DLGAP2: variants seen among roughly 807,000 people sequenced by gnomAD.
The protein encoded by DLGAP2 is DLG associated protein 2.
A neutral mutation model predicts 100.3 loss-of-function variants in DLGAP2; 26 were observed. That is an observed-to-expected ratio of 0.26 (90% CI 0.19 to 0.36). The LOEUF (loss-of-function observed/expected upper bound fraction) is 0.36. Among genes scored for constraint, DLGAP2 ranks in the 10% least tolerant of loss-of-function variants. The pLI, the probability that DLGAP2 is intolerant of heterozygous loss-of-function variation, is 1.00. For synonymous variants in DLGAP2, 886 were observed against 630.1 expected, an observed-to-expected ratio of 1.41 and a Z score of -6.08; for missense variants, 1,858 against 1,453.2, an observed-to-expected ratio of 1.28 and a Z score of -4.53.
chr8:1,306,074 C>CAAAAAAAAAAAAAAAGAAAAAAAAAAAA (rs1800483298), intron 3 of DLGAP2, among the ~76,000 whole-genome samples: 1 of 116,448 alleles, frequency 8.6e-6, no homozygotes, highest in Non-Finnish European at 1.8e-5. Context: ...AGAAATTAGG[C>CAAAAAAAAAAAAAAAGAAAAAAAAAAAA]AAAAAAAAAA....
Position 1,493,110 on chromosome 8 carries a change from C to G in DLGAP2, c.107-8256C>G, listed in dbSNP as rs556251644. Among the ~76,000 whole-genome samples, 34 of 152,310 alleles carry G rather than the reference C, an allele frequency of 2.2e-4. No individual in the cohort carries two copies. The East Asian group carries it at 4.3e-3, about 19-fold the overall frequency. ...GGGCAGGGCACAAGGTGACAACGAGCTCAAGCTGTGCAGGTAGAACCAGGC... is the reference window on the plus strand; with the variant it reads ...GGGCAGGGCACAAGGTGACAACGAGGTCAAGCTGTGCAGGTAGAACCAGGC... On this transcript the variant is annotated intron_variant, in intron 3 of 14. Coordinates refer to ENST00000637795, the MANE Select transcript of DLGAP2 (RefSeq NM_001346810.2).
intron 1 of DLGAP2, among the ~76,000 whole-genome samples, chr8:761,853 G>A (rs747304677): frequency 2.2e-4 from 34 of 152,194 alleles, no homozygotes; most frequent in African/African-American, 4.1e-4. Flanking sequence ...GACACCCTGC[G>A]GAGGAGGCCC....
chr8:1,407,938 C>T (rs1480024267), intron 3 of DLGAP2, among the ~76,000 whole-genome samples: 4 of 152,158 alleles, frequency 2.6e-5, no homozygotes, highest in Admixed American at 2.6e-4. Context: ...CACCTCAGGG[C>T]TTCCAGCATT....
intron 3 of DLGAP2, among the ~76,000 whole-genome samples, chr8:1,367,948 C>A (rs1563109046): frequency 6.6e-6 from 1 of 152,230 alleles, no homozygotes; most frequent in Non-Finnish European, 1.5e-5. Flanking sequence ...TAGTGCCTGG[C>A]ATGGAGCCAG....
chr8:1,448,963 A>C (rs1456605793), intron 3 of DLGAP2, among the ~76,000 whole-genome samples: 2 of 152,206 alleles, frequency 1.3e-5, no homozygotes, highest in East Asian at 1.9e-4. Flanking sequence ...CTGTGTCCTT[A>C]GGTCACGCAA....
chr8:786,272 G>T (rs1393175920), intron 1 of DLGAP2, among the ~76,000 whole-genome samples: 3 of 152,100 alleles, frequency 2.0e-5, no homozygotes, highest in Admixed American at 2.0e-4. Flanking sequence ...CTGCAGAGAG[G>T]GTGCAGTTGG....
intron 4 of DLGAP2, among the ~76,000 whole-genome samples, chr8:1,541,770 A>G (rs1801369049): frequency 6.6e-6 from 1 of 152,136 alleles, no homozygotes; most frequent in Non-Finnish European, 1.5e-5. Context: ...TTTGTGTGTA[A>G]CTCAAACTCA....
At chr8:884,574 T>G (rs189498114) in intron 1 of DLGAP2, among the ~76,000 whole-genome samples, 1 of 152,338 alleles carries the variant, frequency 6.6e-6, no homozygotes, top group Non-Finnish European at 1.5e-5. Context: ...TCTCCCATTC[T>G]GTAGGTTGCC....
chr8:819,670 G>A (rs1379197702), intron 1 of DLGAP2, among the ~76,000 whole-genome samples: 1 of 152,214 alleles, frequency 6.6e-6, no homozygotes, highest in East Asian at 1.9e-4. Flanking sequence ...CAGAGTAGTG[G>A]AAAAGTAGGC....
At chr8:1,700,446 G>C (rs1175995068) in intron 14 of DLGAP2, among the ~76,000 whole-genome samples, 1 of 151,906 alleles carries the variant, frequency 6.6e-6, no homozygotes, top group Non-Finnish European at 1.5e-5. Context: ...CTGTCTTTAG[G>C]AACAATGTGA....
At chr8:1,127,668 C>T (rs562710188) in intron 2 of DLGAP2, among the ~76,000 whole-genome samples, 1 of 152,300 alleles carries the variant, frequency 6.6e-6, no homozygotes, top group East Asian at 1.9e-4. Flanking sequence ...TGTGCAGAAC[C>T]CTGGAGGGGA....
At chr8:1,127,186 C>A (rs1330666570) in intron 2 of DLGAP2, among the ~76,000 whole-genome samples, 3 of 151,176 alleles carry the variant, frequency 2.0e-5, no homozygotes, top group Non-Finnish European at 2.9e-5. Flanking sequence ...AACGGTCCTT[C>A]TGCTTGTGTT....
At chr8:1,289,760 G>A (rs969684671) in intron 3 of DLGAP2, among the ~76,000 whole-genome samples, 1 of 152,186 alleles carries the variant, frequency 6.6e-6, no homozygotes, top group African/African-American at 2.4e-5. Context: ...CCTCCCCCGC[G>A]AATGCAGGAA....
intron 2 of DLGAP2, among the ~76,000 whole-genome samples, chr8:1,256,788 C>T (rs1185301398): frequency 6.6e-6 from 1 of 152,162 alleles, no homozygotes; most frequent in African/African-American, 2.4e-5. Flanking sequence ...GTCAACTAAA[C>T]CTGAGGGTCT....
chr8:1,118,606 C>T (rs1161995933), intron 2 of DLGAP2, among the ~76,000 whole-genome samples: 1 of 152,032 alleles, frequency 6.6e-6, no homozygotes, highest in Non-Finnish European at 1.5e-5. Flanking sequence ...TTCTGCCTCC[C>T]AAACAGAAGT....
At chr8:964,252 G>T (rs986072613) in intron 2 of DLGAP2, among the ~76,000 whole-genome samples, 1 of 152,144 alleles carries the variant, frequency 6.6e-6, no homozygotes, top group African/African-American at 2.4e-5. Flanking sequence ...TGTCTAGGTG[G>T]ACTCTCTGTT....
chr8:1,466,881 C>CT lies in DLGAP2; in HGVS notation c.107-34476dup, dbSNP rs567176782. On this transcript the variant is annotated intron_variant, in intron 3 of 14. Coordinates refer to ENST00000637795, the MANE Select transcript of DLGAP2 (RefSeq NM_001346810.2). ...CTTTTCTTTCTTTTTTCTACTTTTT[C>CT]TTTTTTTTTCCCTTAACTACAGCCT... is the stretch of plus-strand genomic sequence containing the variant. Among the ~76,000 whole-genome samples, 920 of 151,650 alleles carry CT rather than the reference C, an allele frequency of 6.1e-3. 13 individuals carry two copies. Among genetic ancestry groups the CT allele is most frequent in the South Asian group, 0.016 (76 of 4,784 alleles).
chr8:1,703,871 G>A lies in DLGAP2; in HGVS notation c.*2465G>A, dbSNP rs1480602097. 6.6e-6 allele frequency: 1 copy of A among 152,612 alleles called. No individual in the cohort carries two copies. The highest frequency in any genetic ancestry group is 6.5e-5 in the Admixed American group (1 of 15,270). 9.5% of individuals were successfully genotyped at this position (152,612 alleles called of 1,614,324 possible). On this transcript the variant is annotated 3_prime_UTR_variant, in exon 15 of 15. Coordinates refer to ENST00000637795, the MANE Select transcript of DLGAP2 (RefSeq NM_001346810.2). ...ACCTACCACTACATTGCACAGGGTT[G>A]GTGACTCGACGTGGTGAATGTGCAC...
intron 3 of DLGAP2, among the ~76,000 whole-genome samples, chr8:1,325,563 G>A (rs1339246834): frequency 1.3e-5 from 2 of 152,306 alleles, no homozygotes; most frequent in East Asian, 1.9e-4. Flanking sequence ...TCTAGTTAAC[G>A]TTTGCTTTTA....
Sources: gnomAD v4.1 joint callset for allele counts (sites outside exome capture counted in the v4.1 genomes callset) on GRCh38, gnomAD v4.1.1 for gene constraint, MANE v1.5 for transcripts, NCBI Gene and HGNC (gene_info 2026-07-23, HGNC 2026-07-21) for gene names.